Variants in INVS observed in about 807,000 individuals in gnomAD.
The protein encoded by INVS is inversin, also known as inversion of embryo turning homolog.
INVS carries 86 observed loss-of-function variants against 108.8 expected under a neutral mutation model. The ratio of observed to expected loss-of-function variants is 0.79; its 90% CI spans 0.66 to 0.95. The LOEUF is 0.95. INVS is among the 40% of genes least tolerant of loss of function. The pLI, the probability that INVS is intolerant of heterozygous loss-of-function variation, is 0.00. For missense variants in INVS, 1,169 were observed against 1,297.4 expected (o/e 0.90, Z 1.52); for synonymous variants, 455 against 473.5 (o/e 0.96, Z 0.51).
chr9:100,152,047 T>C (rs1828823704), intron 3 of INVS, among the ~76,000 whole-genome samples: 1 of 152,220 alleles, frequency 6.6e-6, no homozygotes, highest in African/African-American at 2.4e-5. Context: ...TGTATCCATA[T>C]TTTGAACTTT....
At chr9:100,292,075 T>C (rs542519314) in intron 13 of INVS, among the ~76,000 whole-genome samples, 1 of 152,338 alleles carries the variant, frequency 6.6e-6, no homozygotes, top group East Asian at 1.9e-4. Flanking sequence ...CCAGAGTTCC[T>C]TTATTTTCTT....
intron 16 of INVS, 69 bp from the exon 17 acceptor site, chr9:100,300,499 C>T: frequency 9.3e-7 from 1 of 1,075,044 alleles, no homozygotes; most frequent in Non-Finnish European, 1.4e-6. Flanking sequence ...TTCCTCAACA[C>T]CAATGAACTA....
rs373002187 is a variant in INVS, at chr9:100,134,820, G to A, written c.273+8271G>A. 5.9e-5 allele frequency among the ~76,000 whole-genome samples: 9 copies of A among 152,284 alleles called. No homozygotes were observed. The East Asian group carries it at 1.5e-3, about 26-fold the overall frequency. The stretch of plus-strand genomic sequence containing the variant: ...GGTGAATGAGTAGCTAAATTGTGAT[G>A]TATTCCTACAATGGAACACTGCATG... On this transcript the variant is annotated intron_variant, in intron 3 of 16. Coordinates refer to ENST00000262457, the MANE Select transcript of INVS (RefSeq NM_014425.5).
intron 2 of INVS, among the ~76,000 whole-genome samples, chr9:100,118,963 T>C (rs1416473774): frequency 6.6e-6 from 1 of 152,260 alleles, no homozygotes; most frequent in African/African-American, 2.4e-5. Flanking sequence ...GCCTGGTCTT[T>C]CCAGCACCAT....
chr9:100,118,452 G>A (rs913370937), intron 2 of INVS, among the ~76,000 whole-genome samples: 5 of 147,924 alleles, frequency 3.4e-5, no homozygotes, highest in South Asian at 2.2e-4. Context: ...CAAGTGATCC[G>A]CCCGCCTCAG....
In INVS at chr9:100,262,547, G is replaced by T. The variant is rs941370980; in HGVS notation, c.1465-2275G>T. Among the ~76,000 whole-genome samples, 3 of 148,084 alleles carry T rather than the reference G, an allele frequency of 2.0e-5. No homozygotes were observed. The Admixed American group carries it at 2.0e-4, about 10-fold the overall frequency. ...TATCTTTTTTATGCCTGTAGGACCT[G>T]TAGTGAGTTCCTCTTGTTTATTTCA... On this transcript the variant is annotated intron_variant, in intron 10 of 16. Coordinates refer to ENST00000262457, the MANE Select transcript of INVS (RefSeq NM_014425.5).
intron 1 of INVS, among the ~76,000 whole-genome samples, chr9:100,102,237 A>G (rs919386850): frequency 2.0e-5 from 3 of 152,150 alleles, no homozygotes; most frequent in Non-Finnish European, 4.4e-5. Context: ...AGCTAGGATT[A>G]CAGGTGTGTG....
intron 3 of INVS, among the ~76,000 whole-genome samples, chr9:100,127,166 A>G (rs1486294165): frequency 1.3e-5 from 2 of 152,250 alleles, no homozygotes; most frequent in East Asian, 3.9e-4. Flanking sequence ...ACTGTACTCC[A>G]TCCTGAGTGA....
At chr9:100,100,499 A>G (rs753655390) in intron 1 of INVS, among the ~76,000 whole-genome samples, 2 of 142,264 alleles carry the variant, frequency 1.4e-5, no homozygotes, top group Non-Finnish European at 3.0e-5. Context: ...CTTTCATCCA[A>G]CAAACATCTA....
intron 8 of INVS, among the ~76,000 whole-genome samples, chr9:100,250,213 A>G (rs2118547582): frequency 6.6e-6 from 1 of 152,348 alleles, no homozygotes; most frequent in South Asian, 2.1e-4. Context: ...ACTTTATATT[A>G]TGGAAATCTT....
At chr9:100,171,200 A>T (rs1829531824) in intron 3 of INVS, among the ~76,000 whole-genome samples, 3 of 152,172 alleles carry the variant, frequency 2.0e-5, no homozygotes. Flanking sequence ...ATGAGCCGTC[A>T]CACCCAGCCT....
chr9:100,117,310 C>T lies in INVS; in HGVS notation c.107-9073C>T, dbSNP rs992122355. ...GGGTCTGCTTCTGCACCGGCGTAAC[C>T]TTCAAAATCTCGTCCTTGAGAGAGG... On this transcript the variant is annotated intron_variant, in intron 2 of 16. Transcript: ENST00000262457. 9 of 729,900 alleles carry T rather than the reference C, an allele frequency of 1.2e-5. No individual in the cohort carries two copies. In the African/African-American group the frequency reaches 1.5e-4, roughly 12 times the overall value. 45.2% of individuals were successfully genotyped at this position (729,900 alleles called of 1,614,324 possible).
chr9:100,221,588 C>CCTTATCAAATAGCTGA (rs144744389), intron 3 of INVS, among the ~76,000 whole-genome samples: 26,868 of 151,886 alleles, frequency 0.18, 3,633 homozygotes, highest in African/African-American at 0.38. Context: ...GAGATGCTGG[C>CCTTATCAAATAGCTGA]CTCCTCCCCA....
At chr9:100,261,445 T>C (rs1276695723) in intron 10 of INVS, among the ~76,000 whole-genome samples, 1 of 152,074 alleles carries the variant, frequency 6.6e-6, no homozygotes, top group Non-Finnish European at 1.5e-5. Flanking sequence ...TTTTTTTGTA[T>C]TTTTAGTAGA....
chr9:100,229,651 AT>A lies in INVS; in HGVS notation c.448-5del. The A allele has an allele frequency of 6.2e-7, 1 of 1,613,788 alleles. No individual in the cohort carries two copies. The highest frequency in any genetic ancestry group is 8.5e-7 in the Non-Finnish European group (1 of 1,179,756). On this transcript the variant is annotated splice_polypyrimidine_tract_variant and splice_region_variant and intron_variant, in intron 4 of 16. Coordinates refer to ENST00000262457, the MANE Select transcript of INVS (RefSeq NM_014425.5). ...CTGTTGTTATTTCGAGAACCTCTCG[AT>A]TTTGCAGCAAACAGCTCTGCATTGG...
intron 10 of INVS, among the ~76,000 whole-genome samples, chr9:100,256,378 A>T (rs1213302797): frequency 6.6e-6 from 1 of 151,694 alleles, no homozygotes; most frequent in Non-Finnish European, 1.5e-5. Flanking sequence ...TCCTGGATTC[A>T]TTGATTTTTT....
chr9:100,126,427 C>T lies in INVS; in HGVS notation c.151C>T (p.Pro51Ser), dbSNP rs1246468216. Residue 51 changes from proline (P) to serine (S), a missense_variant, in exon 3 of 17, where the codon CCA becomes TCA. Pro to Ser is a moderately conservative substitution (Grantham distance 74). Transcript: ENST00000262457. ...KDKEDQFGRTPLMYCVLADRL... is the reference protein window; with the variant it reads ...KDKEDQFGRTSLMYCVLADRL... ...CAAAGAAGATCAGTTTGGGAGAACA[C>T]CACTTATGTATTGCGTGTTGGCTGA... 1.2e-6 allele frequency: 2 copies of T among 1,614,028 alleles called. No individual in the cohort carries two copies. Among genetic ancestry groups the T allele is most frequent in the South Asian group, 1.1e-5 (1 of 91,074 alleles).
chr9:100,135,959 GTGT>G (rs1413527080), intron 3 of INVS, among the ~76,000 whole-genome samples: 2 of 151,932 alleles, frequency 1.3e-5, no homozygotes, highest in Non-Finnish European at 2.9e-5. Flanking sequence ...GATCAGAGTG[GTGT>G]TATGGAGCCA....
At chr9:100,123,623 A>C (rs545032485) in intron 2 of INVS, among the ~76,000 whole-genome samples, 3 of 152,186 alleles carry the variant, frequency 2.0e-5, no homozygotes, top group Non-Finnish European at 4.4e-5. Flanking sequence ...TCTTGGGTAC[A>C]TACTTGGGAT....
Sources: allele counts gnomAD v4.1 joint callset (sites outside exome capture counted in the v4.1 genomes callset), GRCh38; gene constraint gnomAD v4.1.1; transcripts MANE v1.5; gene names NCBI Gene and HGNC (gene_info 2026-07-23, HGNC 2026-07-21).